CA10: variants seen among roughly 807,000 people sequenced by gnomAD.
CA10 encodes the protein carbonic anhydrase-related protein 10.
A neutral mutation model predicts 44.2 loss-of-function variants in CA10; 14 were observed. That is an observed-to-expected ratio of 0.32 (90% confidence interval 0.21 to 0.50). The LOEUF (loss-of-function observed/expected upper bound fraction) is 0.50. CA10 is among the 20% of genes least tolerant of loss of function. The pLI is 0.99. For missense variants in CA10, 350 were observed against 409.7 expected (o/e 0.85, Z 1.26); for synonymous variants, 159 against 141.6 (o/e 1.12, Z -0.87).
intron 3 of CA10, among the ~76,000 whole-genome samples, chr17:51,927,342 G>A (rs1431856848): frequency 6.6e-6 from 1 of 152,094 alleles, no homozygotes; most frequent in African/African-American, 2.4e-5. Context: ...CTGAGTTTTG[G>A]TTAAAATGAT....
intron 4 of CA10, among the ~76,000 whole-genome samples, chr17:51,667,325 T>C (rs1914245659): frequency 6.6e-6 from 1 of 152,174 alleles, no homozygotes; most frequent in East Asian, 1.9e-4. Context: ...GTCTTCATTG[T>C]GTGTGATTGC....
Position 51,976,902 on chromosome 17 carries a change from T to G in CA10, c.137-45770A>C, listed in dbSNP as rs1278652658. ...AAAGAAGGGACCTTTCTACAGACAT[T>G]ATAAAGATGATAAAGAAATATTATA... On this transcript the variant is annotated intron_variant, in intron 2 of 8. Coordinates refer to ENST00000451037, the MANE Select transcript of CA10 (RefSeq NM_020178.5). Among the ~76,000 whole-genome samples the G allele has an allele frequency of 3.3e-5, 5 of 151,908 alleles. No homozygotes were observed. In the South Asian group the frequency reaches 8.3e-4, roughly 25 times the overall value.
At chr17:51,783,182 A>G (rs568304376) in intron 3 of CA10, among the ~76,000 whole-genome samples, 1 of 152,222 alleles carries the variant, frequency 6.6e-6, no homozygotes, top group East Asian at 1.9e-4. Flanking sequence ...TATTTCAGGG[A>G]CAATGATAAG....
intron 1 of CA10, among the ~76,000 whole-genome samples, chr17:52,141,913 ATTT>A (rs2143385872): frequency 6.6e-6 from 1 of 152,252 alleles, no homozygotes; most frequent in East Asian, 1.9e-4. Context: ...GCCATGGTGA[ATTT>A]TCCTGATGAA....
At chr17:52,065,510 G>A (rs888777486) in intron 2 of CA10, among the ~76,000 whole-genome samples, 11 of 152,296 alleles carry the variant, frequency 7.2e-5, no homozygotes, top group Middle Eastern at 3.4e-3. Context: ...GTGGTGGGAA[G>A]AGATAAGGTC....
At chr17:51,797,116 A>G (rs1398619817) in intron 3 of CA10, among the ~76,000 whole-genome samples, 1 of 152,228 alleles carries the variant, frequency 6.6e-6, no homozygotes, top group Non-Finnish European at 1.5e-5. Flanking sequence ...GCACAGCTCC[A>G]GAGTGCATCT....
At chr17:52,100,651 C>T (rs1460068207) in intron 1 of CA10, among the ~76,000 whole-genome samples, 2 of 152,192 alleles carry the variant, frequency 1.3e-5, no homozygotes, top group Non-Finnish European at 2.9e-5. Context: ...TTCTCCCACA[C>T]CATTTCTGAC....
chr17:51,717,112 G>T (rs943632143), intron 4 of CA10, among the ~76,000 whole-genome samples: 1 of 152,176 alleles, frequency 6.6e-6, no homozygotes, highest in Non-Finnish European at 1.5e-5. Context: ...AGTGATAGGA[G>T]TGCTAGGGGA....
At chr17:51,648,758 C>T (rs1913439018) in intron 6 of CA10, among the ~76,000 whole-genome samples, 1 of 152,108 alleles carries the variant, frequency 6.6e-6, no homozygotes, top group South Asian at 2.1e-4. Flanking sequence ...GAAAGGAGAC[C>T]CAGCCACACA....
chr17:51,644,738 T>A (rs1003296927), intron 6 of CA10, among the ~76,000 whole-genome samples: 2 of 150,166 alleles, frequency 1.3e-5, no homozygotes, highest in African/African-American at 4.9e-5. Context: ...CATCCCTCAC[T>A]CCCCTCTTTC....
intron 3 of CA10, among the ~76,000 whole-genome samples, chr17:51,784,820 T>C (rs1906199501): frequency 6.6e-6 from 1 of 152,198 alleles, no homozygotes; most frequent in Admixed American, 6.5e-5. Flanking sequence ...ATACTTCAAT[T>C]ATTATTGACT....
intron 4 of CA10, among the ~76,000 whole-genome samples, chr17:51,657,385 C>T (rs899090212): frequency 8.5e-5 from 13 of 152,178 alleles, no homozygotes; most frequent in African/African-American, 3.1e-4. Flanking sequence ...GATCACAGTT[C>T]CTGCAGCTGT....
chr17:51,763,845 C>T (rs1181877796), intron 3 of CA10, among the ~76,000 whole-genome samples: 2 of 151,980 alleles, frequency 1.3e-5, no homozygotes, highest in Non-Finnish European at 2.9e-5. Context: ...CCTAAAAACC[C>T]TCTGTAATCT....
In CA10 at chr17:52,157,531, C is replaced by A. The variant is rs201781247; in HGVS notation, c.61+195G>T. On this transcript the variant is annotated intron_variant, in intron 1 of 8. Transcript: ENST00000451037. ...AGGACTGCACACAGATCCTAACCAC[C>A]CCCCCCCGCAAAACACACACATTCA... Among the ~76,000 whole-genome samples the A allele has an allele frequency of 0.023, 3,364 of 146,070 alleles. 86 individuals are homozygous for A. The highest frequency in any genetic ancestry group is 0.05 in the South Asian group (214 of 4,242).
chr17:51,839,143 C>A (rs1014543649), intron 3 of CA10, among the ~76,000 whole-genome samples: 14 of 152,148 alleles, frequency 9.2e-5, no homozygotes, highest in African/African-American at 3.1e-4. Flanking sequence ...AAAGAAGCAA[C>A]AGGCTTTGAA....
chr17:51,908,053 G>A (rs1418173006), intron 3 of CA10, among the ~76,000 whole-genome samples: 1 of 152,164 alleles, frequency 6.6e-6, no homozygotes, highest in African/African-American at 2.4e-5. Context: ...AAGTAGAAGG[G>A]CTGGGATCAG....
intron 4 of CA10, among the ~76,000 whole-genome samples, chr17:51,659,230 C>G (rs4794288): frequency 0.79 from 120,035 of 151,714 alleles, 48,051 homozygotes; most frequent in Non-Finnish European, 0.85. Context: ...TCTCTTCCTT[C>G]AGCTGGGGCA....
intron 2 of CA10, among the ~76,000 whole-genome samples, chr17:52,048,554 G>C (rs1438564298): frequency 6.6e-6 from 1 of 151,990 alleles, no homozygotes; most frequent in Non-Finnish European, 1.5e-5. Context: ...ATCATTTTCA[G>C]CTGAAACATC....
At chr17:51,957,354 A>G (rs981030665) in intron 2 of CA10, among the ~76,000 whole-genome samples, 11 of 152,106 alleles carry the variant, frequency 7.2e-5, no homozygotes, top group African/African-American at 2.7e-4. Context: ...TTTCATAGGC[A>G]TGGTGGTAGA....
Sources: gnomAD v4.1 joint callset for allele counts (sites outside exome capture counted in the v4.1 genomes callset) on GRCh38, gnomAD v4.1.1 for gene constraint, MANE v1.5 for transcripts, NCBI Gene and HGNC (gene_info 2026-07-23, HGNC 2026-07-21) for gene names.